The following WDFY1 variants were observed in gnomAD, a reference collection of about 807,000 sequenced individuals.
WDFY1 encodes WD repeat and FYVE domain containing 1.
A neutral mutation model predicts 56.4 loss-of-function variants in WDFY1; 32 were observed. The ratio of observed to expected loss-of-function variants is 0.57; its 90% CI spans 0.43 to 0.76. WDFY1 has a LOEUF of 0.76. WDFY1 is among the 30% of genes least tolerant of loss of function. The probability of loss-of-function intolerance (pLI) is 0.00; values close to 1 mark genes in which losing one functional copy is unlikely to be tolerated. For synonymous variants in WDFY1, 192 were observed against 197.3 expected, an observed-to-expected ratio of 0.97 and a Z score of 0.23; for missense variants, 480 against 545.7, an observed-to-expected ratio of 0.88 and a Z score of 1.20.
intron 9 of WDFY1, among the ~76,000 whole-genome samples, 186 bp from the exon 10 acceptor site, chr2:223,882,258 G>A (rs1693085693): frequency 6.6e-6 from 1 of 152,164 alleles, no homozygotes. Context: ...GGGATTACAG[G>A]TGCCTGTCAC....
chr2:223,928,337 C>T (rs916012080), intron 1 of WDFY1, among the ~76,000 whole-genome samples: 2 of 152,128 alleles, frequency 1.3e-5, no homozygotes, highest in Non-Finnish European at 2.9e-5. Flanking sequence ...TATGCAACCA[C>T]ACTACATCAG....
At position 223,906,523 on chromosome 2, in the gene WDFY1, T is replaced by C. The variant is rs948772262; in HGVS notation, c.280-522A>G. Among the ~76,000 whole-genome samples the C allele has an allele frequency of 7.2e-5, 11 of 152,126 alleles. No individual in the cohort carries two copies. In the East Asian group the frequency reaches 1.9e-3, roughly 27 times the overall value. On this transcript the variant is annotated intron_variant, in intron 3 of 11. Transcript: ENST00000233055. ...TGGTTTTTGTCTTTTTATGATCCCA[T>C]ATTTTCCAAATTTTATTTATTTATT...
intron 1 of WDFY1, among the ~76,000 whole-genome samples, chr2:223,925,043 T>C (rs938830075): frequency 6.6e-6 from 1 of 152,104 alleles, no homozygotes; most frequent in African/African-American, 2.4e-5. Flanking sequence ...GAACTACAAA[T>C]TTAAAAAACT....
intron 1 of WDFY1, among the ~76,000 whole-genome samples, chr2:223,934,435 C>G (rs1479181042): frequency 6.6e-6 from 1 of 152,074 alleles, no homozygotes; most frequent in African/African-American, 2.4e-5. Context: ...TTTTCCCTAA[C>G]AGATTTGTTG....
chr2:223,884,756 G>A lies in WDFY1; in HGVS notation c.832-7C>T. 1.9e-6 allele frequency: 3 copies of A among 1,613,626 alleles called. No individual in the cohort carries two copies. Among genetic ancestry groups the A allele is most frequent in the Non-Finnish European group, 2.5e-6 (3 of 1,179,734 alleles). On this transcript the variant is annotated splice_region_variant and splice_polypyrimidine_tract_variant and intron_variant, in intron 8 of 11. Transcript: ENST00000233055. ...TTTCCAACCACTGAGGAGCCTGGGG[G>A]AGCAGAAAGTCAAAGCCACCATCAG...
At chr2:223,909,476 C>G (rs1349889076) in intron 3 of WDFY1, among the ~76,000 whole-genome samples, 1 of 152,044 alleles carries the variant, frequency 6.6e-6, no homozygotes, top group Non-Finnish European at 1.5e-5. Context: ...GAAAAATGAC[C>G]TGATGATGAT....
intron 2 of WDFY1, among the ~76,000 whole-genome samples, chr2:223,914,219 A>ACTCCTGACCTC (rs1693751615): frequency 6.6e-6 from 1 of 151,462 alleles, no homozygotes; most frequent in Non-Finnish European, 1.5e-5. Flanking sequence ...CCAGTCTCGA[A>ACTCCTGACCTC]CTCCTGACCT....
At chr2:223,942,526 A>ATTTTTTTTTT (rs1559178420) in intron 1 of WDFY1, among the ~76,000 whole-genome samples, 1 of 78,770 alleles carries the variant, frequency 1.3e-5, no homozygotes, top group Non-Finnish European at 2.4e-5. Flanking sequence ...CCAAAGGCTA[A>ATTTTTTTTTT]CTTTTTTTTT....
intron 10 of WDFY1, 41 bp downstream of exon 10, chr2:223,881,901 T>C (rs767107372): frequency 1.0e-5 from 16 of 1,608,020 alleles, no homozygotes; most frequent in Non-Finnish European, 1.3e-5. Context: ...ATTAGACAGA[T>C]GTAATAAGAG....
intron 1 of WDFY1, among the ~76,000 whole-genome samples, chr2:223,929,132 C>T (rs1012586578): frequency 2.0e-5 from 3 of 151,840 alleles, no homozygotes; most frequent in Non-Finnish European, 4.4e-5. Flanking sequence ...ATAAACTGTG[C>T]CTCTCCATCA....
chr2:223,882,123 G>T (rs1449327098), intron 9 of WDFY1, 51 bp from the exon 10 acceptor site: 14 of 1,577,956 alleles, frequency 8.9e-6, no homozygotes, highest in Non-Finnish European at 1.2e-5. Flanking sequence ...TTCGCTTTTT[G>T]TTTTGTTTTG....
chr2:223,918,177 A>G (rs1693822252), intron 1 of WDFY1, among the ~76,000 whole-genome samples, 167 bp from the exon 2 acceptor site: 1 of 151,992 alleles, frequency 6.6e-6, no homozygotes, highest in Non-Finnish European at 1.5e-5. Flanking sequence ...ACATACATAT[A>G]TAGTATATAA....
chr2:223,907,467 T>C (rs775653086), intron 3 of WDFY1, among the ~76,000 whole-genome samples: 3 of 152,188 alleles, frequency 2.0e-5, no homozygotes, highest in Non-Finnish European at 4.4e-5. Context: ...AATTGATCAA[T>C]TGCTAACTAA....
chr2:223,904,667 C>T lies in WDFY1; in HGVS notation c.334+1280G>A, dbSNP rs75247189. On this transcript the variant is annotated intron_variant, in intron 4 of 11. Transcript: ENST00000233055. ...CCACATTTCACCAAGATGAACAACA[C>T]ATACGTAAAACATCTACACTCTAAT... 3.2e-3 allele frequency among the ~76,000 whole-genome samples: 484 copies of T among 151,974 alleles called. 3 individuals are homozygous for T. The highest frequency in any genetic ancestry group is 0.011 in the African/African-American group (461 of 41,408).
rs1413189236 is a variant in WDFY1 at position 223,917,819 on chromosome 2, G to A, written c.205+124C>T. On this transcript the variant is annotated intron_variant, in intron 2 of 11. Transcript: ENST00000233055. The stretch of plus-strand genomic sequence containing the variant: ...ACTCCTGACCCCAGGTGATCTACCC[G>A]CCTTGGCCTCTCAAAGTGCTGGGAT... The A allele has an allele frequency of 2.3e-5, 24 of 1,052,992 alleles. No homozygotes were observed. The Middle Eastern group carries it at 6.3e-4, about 28-fold the overall frequency. 65.2% of individuals were successfully genotyped at this position (1,052,992 alleles called of 1,614,324 possible).
In WDFY1 at chr2:223,901,330, T is replaced by C; in HGVS notation, c.338A>G (p.His113Arg). Reference sequence around the variant, plus strand: ...GATAATCGCAGACACCCGGTTCTGATGAGCTGCAGGAACAGAAAGGTGAAC... The same window carrying C: ...GATAATCGCAGACACCCGGTTCTGACGAGCTGCAGGAACAGAAAGGTGAAC... ...KMNFIKTYPA[H>R]QNRVSAIIFS... is the part of the protein sequence containing the mutation. Residue 113 changes from histidine to arginine, a missense_variant, in exon 5 of 12, where the codon CAT (histidine) becomes CGT (arginine). By Grantham distance (29) the His-to-Arg change is conservative (BLOSUM62 0). Coordinates refer to ENST00000233055, the MANE Select transcript of WDFY1 (RefSeq NM_020830.5). The C allele has an allele frequency of 1.9e-6, 3 of 1,614,066 alleles. No homozygotes were observed. Among genetic ancestry groups the C allele is most frequent in the Non-Finnish European group, 2.5e-6 (3 of 1,179,962 alleles).
intron 1 of WDFY1, among the ~76,000 whole-genome samples, chr2:223,935,428 C>G (rs895437171): frequency 4.6e-5 from 7 of 152,174 alleles, no homozygotes; most frequent in Non-Finnish European, 1.0e-4. Context: ...ATCATGAAAT[C>G]AGTATATATG....
intron 3 of WDFY1, among the ~76,000 whole-genome samples, chr2:223,910,979 C>T (rs536921165): frequency 5.3e-5 from 8 of 152,196 alleles, no homozygotes; most frequent in South Asian, 2.1e-4. Context: ...TTCATAGCAA[C>T]GTTATTGATA....
At chr2:223,928,992 C>T (rs1375765086) in intron 1 of WDFY1, among the ~76,000 whole-genome samples, 2 of 152,132 alleles carry the variant, frequency 1.3e-5, no homozygotes, top group Non-Finnish European at 2.9e-5. Context: ...TTGATAGCAT[C>T]GTTCCCAAAG....
Sources: gnomAD v4.1 joint callset for allele counts (sites outside exome capture counted in the v4.1 genomes callset) on GRCh38, gnomAD v4.1.1 for gene constraint, MANE v1.5 for transcripts, NCBI Gene and HGNC (gene_info 2026-07-23, HGNC 2026-07-21) for gene names.